MACF1: variants seen among roughly 807,000 people sequenced by gnomAD.
The protein encoded by MACF1 is microtubule actin crosslinking factor 1.
A neutral mutation model predicts 854.8 loss-of-function variants in MACF1; 193 were observed. The observed-to-expected ratio is 0.23, with a 90% CI of 0.20 to 0.25. The LOEUF (loss-of-function observed/expected upper bound fraction) is 0.25. MACF1 is among the 10% of genes least tolerant of loss of function. MACF1 has a pLI of 1.00. For synonymous variants in MACF1, 3,185 were observed against 3,226.7 expected (o/e 0.99, Z 0.44); for missense variants, 7,722 against 8,929.1 (o/e 0.86, Z 5.45).
At chr1:39,141,998 T>A (rs1643355919) in intron 2 of MACF1, among the ~76,000 whole-genome samples, 1 of 152,218 alleles carries the variant, frequency 6.6e-6, no homozygotes, top group Non-Finnish European at 1.5e-5. Flanking sequence ...CTTTTCCCAT[T>A]TCTCTTTCTT....
In MACF1 at chr1:39,251,560, T is replaced by C. The variant is rs150157224; in HGVS notation, c.262-286T>C. 1.2e-3 allele frequency among the ~76,000 whole-genome samples: 184 copies of C among 152,326 alleles called. 1 individual carries two copies. The highest frequency in any genetic ancestry group is 4.4e-3 in the African/African-American group (182 of 41,574). ...ATCTCTTCACCAAAAACCATCCAGATATCTCTTTGACAGTTATTCTCACCA... is the reference window on the plus strand; with the variant it reads ...ATCTCTTCACCAAAAACCATCCAGACATCTCTTTGACAGTTATTCTCACCA... On this transcript the variant is annotated intron_variant, in intron 3 of 100. Coordinates refer to ENST00000564288, the MANE Select transcript of MACF1 (RefSeq NM_001394062.1).
chr1:39,231,003 A>G (rs551542352), intron 1 of MACF1, among the ~76,000 whole-genome samples, 179 bp from the exon 2 acceptor site: 4 of 152,322 alleles, frequency 2.6e-5, no homozygotes, highest in South Asian at 2.1e-4. Flanking sequence ...TAAACTGACA[A>G]CGTGATCAGG....
At chr1:39,272,806 A>G (rs925744354) in intron 6 of MACF1, among the ~76,000 whole-genome samples, 2 of 152,226 alleles carry the variant, frequency 1.3e-5, no homozygotes, top group African/African-American at 4.8e-5. Flanking sequence ...GTCAAGAAAT[A>G]GTTAACACAG....
intron 2 of MACF1, among the ~76,000 whole-genome samples, chr1:39,162,311 T>A (rs1371667404): frequency 6.6e-6 from 1 of 152,198 alleles, no homozygotes; most frequent in East Asian, 1.9e-4. Context: ...CTCTGTCGCT[T>A]AAGTAAATAG....
In MACF1 at chr1:39,459,825, G is replaced by A. The variant is rs1160319088; in HGVS notation, c.21360+576G>A. 5 of 1,304,124 alleles carry A rather than the reference G, an allele frequency of 3.8e-6. No homozygotes were observed. The African/African-American group carries it at 7.6e-5, about 20-fold the overall frequency. 80.8% of individuals were successfully genotyped at this position (1,304,124 alleles called of 1,614,324 possible). On this transcript the variant is annotated intron_variant, in intron 91 of 100. Coordinates refer to ENST00000564288, the MANE Select transcript of MACF1 (RefSeq NM_001394062.1). ...TATTTGTGCATATCAAAGCAGCTAT[G>A]CCTGGAAGTGAGTGTTCTGTGTTTT...
chr1:39,335,332 C>A lies in MACF1; in HGVS notation c.8744C>A (p.Thr2915Lys). ...DTNEEQEKAV[T>K]KIEIISHMKQ... is the part of the protein sequence containing the mutation. ...AATGAAGAGCAGGAAAAAGCAGTGACAAAAATAGAAATTATTTCTCATATG... is the reference window on the plus strand; with the variant it reads ...AATGAAGAGCAGGAAAAAGCAGTGAAAAAAATAGAAATTATTTCTCATATG... The change falls in exon 37 of 101, where the codon ACA becomes AAA. Residue 2915 changes from threonine to lysine, a missense_variant. Coordinates refer to ENST00000564288, the MANE Select transcript of MACF1 (RefSeq NM_001394062.1). 6.2e-7 allele frequency: 1 copy of A among 1,613,664 alleles called. No homozygotes were observed. Among genetic ancestry groups the A allele is most frequent in the Non-Finnish European group, 8.5e-7 (1 of 1,179,880 alleles).
intron 49 of MACF1, among the ~76,000 whole-genome samples, chr1:39,365,634 C>T (rs190274673): frequency 2.0e-5 from 3 of 152,182 alleles, no homozygotes; most frequent in Admixed American, 2.0e-4. Context: ...TCATCATATA[C>T]ACAATTTTTA....
chr1:39,272,449 G>A (rs904151432), intron 6 of MACF1, among the ~76,000 whole-genome samples: 13 of 152,340 alleles, frequency 8.5e-5, no homozygotes, highest in African/African-American at 2.9e-4. Context: ...AGCTGCTGCT[G>A]TTCACACACC....
intron 44 of MACF1, among the ~76,000 whole-genome samples, 158 bp downstream of exon 44, chr1:39,353,389 A>G (rs1417094273): frequency 6.6e-6 from 1 of 152,168 alleles, no homozygotes; most frequent in Non-Finnish European, 1.5e-5. Flanking sequence ...TCCTCTTGAA[A>G]TACTTTCTCC....
At chr1:39,136,048 C>T (rs564544446) in intron 2 of MACF1, among the ~76,000 whole-genome samples, 1 of 152,294 alleles carries the variant, frequency 6.6e-6, no homozygotes, top group East Asian at 1.9e-4. Flanking sequence ...TCTCTACACA[C>T]ACATACATAC....
intron 2 of MACF1, among the ~76,000 whole-genome samples, chr1:39,128,753 C>G (rs1207616266): frequency 1.3e-5 from 2 of 152,070 alleles, no homozygotes; most frequent in Non-Finnish European, 2.9e-5. Context: ...TTTCCCTCAC[C>G]TCCTGGTAAA....
chr1:39,131,309 C>T (rs1642999257), intron 2 of MACF1, among the ~76,000 whole-genome samples: 1 of 151,428 alleles, frequency 6.6e-6, no homozygotes, highest in South Asian at 2.1e-4. Context: ...GGAATACAGG[C>T]ACATGCCATC....
chr1:39,387,086 A>T (rs1641836931), intron 57 of MACF1, 101 bp from the exon 58 acceptor site: 3 of 1,333,134 alleles, frequency 2.3e-6, no homozygotes, highest in Non-Finnish European at 3.1e-6. Context: ...CTCAAGTAAC[A>T]TTAGTTCCCT....
chr1:39,334,509 G>A lies in MACF1; in HGVS notation c.7921G>A (p.Glu2641Lys). Residue 2641 changes from glutamate to lysine, a missense_variant, in exon 37 of 101, where the codon GAA becomes AAA. By Grantham distance (56) the Glu-to-Lys change is moderately conservative. Coordinates refer to ENST00000564288, the MANE Select transcript of MACF1 (RefSeq NM_001394062.1). ...AGTCAAGAAATGTAAGATTGATATT[G>A]AATCTGGACAGAGATATCTAGAAGT... is the stretch of plus-strand genomic sequence containing the variant. ...ELVKKCKIDI[E>K]SGQRYLEVIP... is the part of the protein sequence containing the mutation. 6.2e-7 allele frequency: 1 copy of A among 1,614,062 alleles called. No homozygotes were observed.
intron 52 of MACF1, among the ~76,000 whole-genome samples, chr1:39,377,556 A>T (rs1006087970): frequency 6.6e-6 from 1 of 152,238 alleles, no homozygotes; most frequent in Non-Finnish European, 1.5e-5. Flanking sequence ...AGCACAATTT[A>T]TAAGAATGTT....
chr1:39,320,977 G>C lies in MACF1; in HGVS notation c.4029+1230G>C, dbSNP rs942062540. On this transcript the variant is annotated intron_variant, in intron 31 of 100. Coordinates refer to ENST00000564288, the MANE Select transcript of MACF1 (RefSeq NM_001394062.1). The stretch of plus-strand genomic sequence containing the variant: ...AGAAAGACTGTGTCTCCAAAAAAAA[G>C]AAAAAAATAACTTGAGATTATTACA... 9.2e-5 allele frequency among the ~76,000 whole-genome samples: 14 copies of C among 151,932 alleles called. No individual in the cohort carries two copies. The South Asian group carries it at 1.9e-3, about 20-fold the overall frequency.
At chr1:39,392,275 G>A (rs1173827949) in intron 58 of MACF1, among the ~76,000 whole-genome samples, 1 of 152,130 alleles carries the variant, frequency 6.6e-6, no homozygotes, top group Non-Finnish European at 1.5e-5. Flanking sequence ...GTCCCCAGGA[G>A]GCCGCATAAA....
intron 22 of MACF1, among the ~76,000 whole-genome samples, chr1:39,300,610 A>T (rs1307087668): frequency 6.6e-6 from 1 of 152,058 alleles, no homozygotes; most frequent in African/African-American, 2.4e-5. Context: ...GTGTTGACAG[A>T]GATGGTACTT....
chr1:39,452,152 C>CGAA lies in MACF1; in HGVS notation c.20419-4_20419-3insGAA. 2 of 1,581,690 alleles carry CGAA rather than the reference C, an allele frequency of 1.3e-6. No homozygotes were observed. The highest frequency in any genetic ancestry group is 1.7e-6 in the Non-Finnish European group (2 of 1,164,548). ...CAAACAAATTCTCCTATTTTCTTTT[C>CGAA]TAGGTTTTCCAGAAGGAACTGGGAA... On this transcript the variant is annotated splice_region_variant and splice_polypyrimidine_tract_variant and intron_variant, in intron 85 of 100. Coordinates refer to ENST00000564288, the MANE Select transcript of MACF1 (RefSeq NM_001394062.1).
Sources: gnomAD v4.1 joint callset for allele counts (sites outside exome capture counted in the v4.1 genomes callset) on GRCh38, gnomAD v4.1.1 for gene constraint, MANE v1.5 for transcripts, NCBI Gene and HGNC (gene_info 2026-07-23, HGNC 2026-07-21) for gene names.